Variants in ZDHHC9 observed in about 807,000 individuals in gnomAD.
The protein encoded by ZDHHC9 is palmitoyltransferase ZDHHC9.
ZDHHC9 carries 3 observed loss-of-function variants against 26.6 expected under a neutral mutation model. The ratio of observed to expected loss-of-function variants is 0.11; its 90% CI spans 0.05 to 0.29. The LOEUF (loss-of-function observed/expected upper bound fraction) is 0.29, where lower values mean the gene tolerates loss of function less well. ZDHHC9 is among the 10% of genes least tolerant of loss of function. The pLI, the probability that ZDHHC9 is intolerant of heterozygous loss-of-function variation, is 1.00. For missense variants in ZDHHC9, 146 were observed against 296.4 expected (o/e 0.49, Z 3.73); for synonymous variants, 111 against 109.4 (o/e 1.01, Z -0.09).
Position 129,803,855 on chromosome X carries a change from C to G in ZDHHC9, c.*2515G>C, listed in dbSNP as rs996633575. 7 of 111,623 alleles carry G rather than the reference C, an allele frequency of 6.3e-5. No individual in the cohort carries two copies. Among genetic ancestry groups the G allele is most frequent in the African/African-American group, 2.3e-4 (7 of 30,662 alleles). 9.2% of individuals were successfully genotyped at this position (111,623 alleles called of 1,213,427 possible). On this transcript the variant is annotated 3_prime_UTR_variant, in exon 11 of 11. Transcript: ENST00000357166. ...AGACAGTGTCAGCCATTGAAAAGAC[C>G]AAACAATTTAAGGCCCTTTTCCCCT...
Position 129,810,934 on chromosome X carries a change from T to C in ZDHHC9, c.949A>G (p.Thr317Ala). 8.3e-7 allele frequency: 1 copy of C among 1,210,917 alleles called. No individual in the cohort carries two copies. Among genetic ancestry groups the C allele is most frequent in the Non-Finnish European group, 1.1e-6 (1 of 894,988 alleles). ...CTCTGTGGCAAGAGGCTGCTACTGG[T>C]CTCTTGAGTACTGGGAGGTCGACTT... ...SGSRPPSTQE[T>A]SSSLLPQSPA... Residue 317 changes from threonine to alanine, a missense_variant, in exon 10 of 11, where the codon ACC becomes GCC. This residue lies in a region of ZDHHC9 where 46 missense variants were observed against 46.4 expected (regional missense o/e 0.99). Transcript: ENST00000357166.
At chrX:129,837,275 C>T (rs771402564) in intron 3 of ZDHHC9, among the ~76,000 whole-genome samples, 2 of 112,123 alleles carry the variant, frequency 1.8e-5, no homozygotes, top group Non-Finnish European at 3.8e-5. Flanking sequence ...GGCTACACAG[C>T]CATTGAACAT....
Position 129,803,656 on chromosome X carries a change from T to C in ZDHHC9, c.*2714A>G, listed in dbSNP as rs1569315736. On this transcript the variant is annotated 3_prime_UTR_variant, in exon 11 of 11. Coordinates refer to ENST00000357166, the MANE Select transcript of ZDHHC9 (RefSeq NM_016032.4). The stretch of plus-strand genomic sequence containing the variant: ...CCTGGGGTAAAAGCAAAGGAGGAGA[T>C]GATGATCTCAGCTAGGGCCAGGAAG... The C allele has an allele frequency of 9.0e-6, 1 of 111,029 alleles. No homozygotes were observed. The highest frequency in any genetic ancestry group is 1.9e-5 in the Non-Finnish European group (1 of 52,983). 9.2% of individuals were successfully genotyped at this position (111,029 alleles called of 1,213,427 possible).
At chrX:129,815,268 T>C (rs1927733971) in intron 5 of ZDHHC9, among the ~76,000 whole-genome samples, 1 of 112,212 alleles carries the variant, frequency 8.9e-6, no homozygotes, top group Non-Finnish European at 1.9e-5. Flanking sequence ...GATTTTGTTG[T>C]CTAATAAACT....
chrX:129,810,675 C>T (rs1289604761), intron 10 of ZDHHC9, among the ~76,000 whole-genome samples: 1 of 111,960 alleles, frequency 8.9e-6, no homozygotes, highest in Admixed American at 9.5e-5. Context: ...ATTGGTATAA[C>T]CCTGGCAGCT....
At chrX:129,815,796 T>C (rs1233890949) in intron 5 of ZDHHC9, among the ~76,000 whole-genome samples, 1 of 111,931 alleles carries the variant, frequency 8.9e-6, no homozygotes, top group Non-Finnish European at 1.9e-5. Flanking sequence ...CCTGACTATA[T>C]GAAAAGTTCT....
At chrX:129,838,594 G>A (rs996384956) in intron 3 of ZDHHC9, among the ~76,000 whole-genome samples, 14 of 111,236 alleles carry the variant, frequency 1.3e-4, no homozygotes, top group African/African-American at 3.9e-4. Context: ...GCTTGAACCC[G>A]GGAGGCAGAG....
At chrX:129,824,743 T>C (rs189441453) in intron 4 of ZDHHC9, among the ~76,000 whole-genome samples, 74 of 112,383 alleles carry the variant, frequency 6.6e-4, no homozygotes, top group African/African-American at 1.9e-3. Flanking sequence ...ATAACTTCAA[T>C]GTCACAATAG....
At chrX:129,829,931 G>A (rs757691912) in intron 3 of ZDHHC9, among the ~76,000 whole-genome samples, 5 of 111,158 alleles carry the variant, frequency 4.5e-5, no homozygotes, top group Non-Finnish European at 9.4e-5. Context: ...TTTATTGAGG[G>A]CTCTCCATAA....
chrX:129,825,257 A>G (rs1927988319), intron 4 of ZDHHC9, among the ~76,000 whole-genome samples: 1 of 111,656 alleles, frequency 9.0e-6, no homozygotes, highest in African/African-American at 3.3e-5. Flanking sequence ...AGAGCGAGCA[A>G]GACTCCAACT....
rs1280220578 is a variant in ZDHHC9 at position 129,804,947 on chromosome X, C to T, written c.*1423G>A. ...GAGGAGGCAGGAAGTTTGCATTAGACACAGTTTAATCGCCTTCAAATAGAT... is the reference window on the plus strand; with the variant it reads ...GAGGAGGCAGGAAGTTTGCATTAGATACAGTTTAATCGCCTTCAAATAGAT... On this transcript the variant is annotated 3_prime_UTR_variant, in exon 11 of 11. Coordinates refer to ENST00000357166, the MANE Select transcript of ZDHHC9 (RefSeq NM_016032.4). 1 of 101,873 alleles carries T rather than the reference C, an allele frequency of 9.8e-6. No homozygotes were observed. The highest frequency in any genetic ancestry group is 2.0e-5 in the Non-Finnish European group (1 of 50,817). The allele number at this position is 101,873 out of a possible 1,213,427, so 8.4% of individuals were successfully genotyped here. A position where few individuals can be genotyped will look rare whatever the true frequency, so the allele number is the denominator to read the frequency against.
Position 129,812,662 on chromosome X carries a change from G to GA in ZDHHC9, c.777+55dup. On this transcript the variant is annotated intron_variant, in intron 8 of 10. Coordinates refer to ENST00000357166, the MANE Select transcript of ZDHHC9 (RefSeq NM_016032.4). Reference sequence around the variant, plus strand: ...TCGGTAGTTCTCTAGCAGGTAGCAAGAGGATAGGCTTTGGGAAGAAGAATA... The same window carrying GA: ...TCGGTAGTTCTCTAGCAGGTAGCAAGAAGGATAGGCTTTGGGAAGAAGAATA... 5 of 1,043,374 alleles carry GA rather than the reference G, an allele frequency of 4.8e-6. No homozygotes were observed. The South Asian group carries it at 9.3e-5, about 19-fold the overall frequency. The allele number at this position is 1,043,374 out of a possible 1,213,427, so 86.0% of individuals were successfully genotyped here. A position where few individuals can be genotyped will look rare whatever the true frequency, so the allele number is the denominator to read the frequency against.
chrX:129,823,935 C>T, intron 4 of ZDHHC9, 98 bp from the exon 5 acceptor site: 3 of 802,763 alleles, frequency 3.7e-6, no homozygotes, highest in Non-Finnish European at 5.6e-6. Flanking sequence ...TTCAAAGGTT[C>T]CCCAAGCCCC....
intron 8 of ZDHHC9, among the ~76,000 whole-genome samples, chrX:129,812,242 T>C (rs905907699): frequency 9.0e-6 from 1 of 111,597 alleles, no homozygotes; most frequent in African/African-American, 3.3e-5. Context: ...CACTAACACA[T>C]CCGGCTATAT....
At chrX:129,834,311 C>G (rs1928211267) in intron 3 of ZDHHC9, among the ~76,000 whole-genome samples, 2 of 111,278 alleles carry the variant, frequency 1.8e-5, no homozygotes, top group South Asian at 3.8e-4. Flanking sequence ...GCAGCCAGAA[C>G]AGACTAAGAC....
chrX:129,812,327 C>T (rs1288655178), intron 8 of ZDHHC9, among the ~76,000 whole-genome samples: 10 of 112,248 alleles, frequency 8.9e-5, no homozygotes, highest in East Asian at 2.8e-4. Context: ...TCAGGTGATC[C>T]GCCCGCCTCA....
At chrX:129,840,758 G>A (rs1271154828) in intron 3 of ZDHHC9, among the ~76,000 whole-genome samples, 2 of 110,666 alleles carry the variant, frequency 1.8e-5, no homozygotes, top group Non-Finnish European at 3.8e-5. Context: ...CACTCTGGGT[G>A]CACTGGGAAA....
In ZDHHC9 at chrX:129,805,105, C is replaced by A. The variant is rs1432368265; in HGVS notation, c.*1265G>T. On this transcript the variant is annotated 3_prime_UTR_variant, in exon 11 of 11. Transcript: ENST00000357166. ...ATAAATCTTCTTCCCTGAAATAGAG[C>A]AGGTCCTGAGCAGAGCTGACTGGGG... 1 of 112,485 alleles carries A rather than the reference C, an allele frequency of 8.9e-6. No individual in the cohort carries two copies. The highest frequency in any genetic ancestry group is 1.9e-5 in the Non-Finnish European group (1 of 53,217). The allele number at this position is 112,485 out of a possible 1,213,427, so 9.3% of individuals were successfully genotyped here. A position where few individuals can be genotyped will look rare whatever the true frequency, so the allele number is the denominator to read the frequency against.
At chrX:129,808,534 C>G (rs956756849) in intron 10 of ZDHHC9, among the ~76,000 whole-genome samples, 3 of 111,815 alleles carry the variant, frequency 2.7e-5, no homozygotes, top group Admixed American at 9.5e-5. Context: ...TGTGGACCCT[C>G]TACCTCACAC....
Sources: allele counts gnomAD v4.1 joint callset (sites outside exome capture counted in the v4.1 genomes callset), GRCh38; gene constraint gnomAD v4.1.1; regional missense constraint gnomAD v4.1.1; transcripts MANE v1.5; gene names NCBI Gene and HGNC (gene_info 2026-07-23, HGNC 2026-07-21).